RNH1: variants seen among roughly 807,000 people sequenced by gnomAD.
RNH1 encodes ribonuclease inhibitor.
Under a neutral mutation model 46.1 loss-of-function variants are expected in RNH1, and 38 were observed. That is an observed-to-expected ratio of 0.82 (90% CI 0.64 to 1.08). RNH1 has a LOEUF of 1.08. RNH1 is among the 50% of genes least tolerant of loss of function. The probability of loss-of-function intolerance (pLI) is 0.00; values close to 1 mark genes in which losing one functional copy is unlikely to be tolerated. For synonymous variants in RNH1, 319 were observed against 279.1 expected (o/e 1.14, Z -1.43); for missense variants, 577 against 590.7 (o/e 0.98, Z 0.24).
At chr11:495,348 C>CT (rs1272933979) in intron 9 of RNH1, among the ~76,000 whole-genome samples, 2 of 152,178 alleles carry the variant, frequency 1.3e-5, no homozygotes, top group African/African-American at 4.8e-5. Context: ...CACCCACCCC[C>CT]TTGTCACCTC....
In RNH1 at chr11:502,080, T is replaced by A. The variant is rs747294947; in HGVS notation, c.83A>T (p.Gln28Leu). Residue 28 changes from glutamine (Q) to leucine (L), a missense_variant, in exon 3 of 11, where the codon CAG becomes CTG. Gln to Leu is a moderately radical substitution (Grantham distance 113). Transcript: ENST00000354420. This position sits in a 1 kb window ranked among gnomAD's most constrained non-coding sequence, Gnocchi z 5.8. Reference protein sequence around the residue: ...ARWAELLPLLQQCQVVRLDDC... With the variant: ...ARWAELLPLLLQCQVVRLDDC... ...AGCGTACCTGACCACTTGGCACTGC[T>A]GGAGCAGAGGGAGGAGCTCGGCCCA... 6.2e-7 allele frequency: 1 copy of A among 1,611,824 alleles called. No homozygotes were observed. The highest frequency in any genetic ancestry group is 1.1e-5 in the South Asian group (1 of 90,714).
At chr11:506,737 G>A (rs1457885310) in intron 1 of RNH1, 1 of 152,322 alleles carries the variant, frequency 6.6e-6, no homozygotes, top group Non-Finnish European at 1.5e-5. Context: ...GCTCGGCTGG[G>A]CCAGGATTGC....
At chr11:497,793 G>A (rs117720571) in intron 9 of RNH1, among the ~76,000 whole-genome samples, 178 bp downstream of exon 9, 5,046 of 150,324 alleles carry the variant, frequency 0.034, 121 homozygotes, top group Middle Eastern at 0.076. Context: ...ACATGCTCAC[G>A]GACACCCATG....
In RNH1 at chr11:494,962, T is replaced by TG. The variant is rs779646323; in HGVS notation, c.1218dup (p.Asn407GlnfsTer35). Reference sequence around the variant, plus strand: ...ATGCCGGCGTCCCCCAGGCAGTTGTTGCTGAGGTCCAGCTCACGCAGGCTG... The same window carrying TG: ...ATGCCGGCGTCCCCCAGGCAGTTGTTGGCTGAGGTCCAGCTCACGCAGGCTG... On this transcript the variant is annotated frameshift_variant, in exon 10 of 11. Coordinates refer to ENST00000354420, the MANE Select transcript of RNH1 (RefSeq NM_203387.3). LOFTEE classifies it high-confidence loss of function. 6.2e-7 allele frequency: 1 copy of TG among 1,607,364 alleles called. No individual in the cohort carries two copies. The highest frequency in any genetic ancestry group is 8.5e-7 in the Non-Finnish European group (1 of 1,177,290).
intron 9 of RNH1, 75 bp downstream of exon 9, chr11:497,896 G>C (rs1010840468): frequency 4.0e-6 from 6 of 1,516,132 alleles, no homozygotes; most frequent in Non-Finnish European, 5.4e-6. Flanking sequence ...AGATACTCGT[G>C]CACTCTCGCC....
chr11:497,555 G>T (rs548710387), intron 9 of RNH1, among the ~76,000 whole-genome samples: 1 of 76,434 alleles, frequency 1.3e-5, no homozygotes, highest in Non-Finnish European at 2.5e-5. Flanking sequence ...TCACTCTCAC[G>T]TGCTCACACA....
chr11:501,288 C>T lies in RNH1; in HGVS notation c.102-634G>A. The T allele has an allele frequency of 5.5e-6, 1 of 180,234 alleles. No individual in the cohort carries two copies. Among genetic ancestry groups the T allele is most frequent in the Non-Finnish European group, 1.2e-5 (1 of 83,612 alleles). The allele number at this position is 180,234 out of a possible 1,614,324, so 11.2% of individuals were successfully genotyped here. On this transcript the variant is annotated intron_variant, in intron 3 of 10. Transcript: ENST00000354420. This position sits in a 1 kb window ranked among gnomAD's most constrained non-coding sequence, Gnocchi z 4.1. Reference sequence around the variant, plus strand: ...TCCTGCCAAAACTGTAGGACTTCAACCACAAGAAACCACCAGACAAGCCCC... The same window carrying T: ...TCCTGCCAAAACTGTAGGACTTCAATCACAAGAAACCACCAGACAAGCCCC...
At chr11:504,678 A>C (rs1281934949) in intron 2 of RNH1, 146 bp downstream of exon 2, 1 of 152,424 alleles carries the variant, frequency 6.6e-6, no homozygotes. Flanking sequence ...TCTGGCCCCA[A>C]CCAGCCTTTC....
chr11:500,296 A>G (rs1849625885), intron 4 of RNH1, 188 bp downstream of exon 4: 1 of 748,324 alleles, frequency 1.3e-6, no homozygotes, highest in East Asian at 2.7e-5. Flanking sequence ...GGGATAAGGC[A>G]GGAAGGGCCC....
At position 500,619 on chromosome 11, in the gene RNH1, T is replaced by C; in HGVS notation, c.137A>G (p.Lys46Arg). The stretch of plus-strand genomic sequence containing the variant: ...GACTCGAAGTGCAGAGCTGATGTCC[T>C]TGCACCGTGCTTCCGTGAGGCCACA... ...DDCGLTEARCKDISSALRVNP... is the reference protein window; with the variant it reads ...DDCGLTEARCRDISSALRVNP... The change falls in exon 4 of 11, where the codon AAG becomes AGG. Residue 46 changes from lysine to arginine, a missense_variant. By Grantham distance (26) the Lys-to-Arg change is conservative (BLOSUM62 2). Transcript: ENST00000354420. The C allele has an allele frequency of 6.2e-7, 1 of 1,608,720 alleles. No homozygotes were observed.
At chr11:506,755 G>C (rs1240343137) in intron 1 of RNH1, 1 of 152,304 alleles carries the variant, frequency 6.6e-6, no homozygotes, top group Non-Finnish European at 1.5e-5. Context: ...TGCTTGCGTA[G>C]CTCGCTGGAA....
Position 502,118 on chromosome 11 carries a change from C to T in RNH1, c.45G>A (p.Leu15=), listed in dbSNP as rs761575127. The T allele has an allele frequency of 6.2e-6, 10 of 1,611,928 alleles. No homozygotes were observed. In the African/African-American group the frequency reaches 9.3e-5, roughly 15 times the overall value. ...GGAGCTCGGCCCATCTAGCGTCGCT[C>T]AGCTCCTCACACTGGATGTCCAGGC... ...IQSLDIQCEE[L]SDARWAELLP... is the part of the protein sequence containing the mutation. The change falls in exon 3 of 11, where the codon CTG becomes CTA. Residue 15 remains leucine (L), a synonymous_variant. Transcript: ENST00000354420. The surrounding 1 kb of genome is among the most constrained non-coding windows in gnomAD (Gnocchi z 5.8).
In RNH1 at chr11:500,571, T is replaced by C; in HGVS notation, c.185A>G (p.Asn62Ser). 2 of 1,610,908 alleles carry C rather than the reference T, an allele frequency of 1.2e-6. No homozygotes were observed. The highest frequency in any genetic ancestry group is 8.5e-7 in the Non-Finnish European group (1 of 1,179,988). ...LRVNPALAEL[N>S]LRSNELGDVG... Reference sequence around the variant, plus strand: ...ATCGCCCAGCTCGTTGCTGCGCAGGTTGAGCTCTGCCAGTGCAGGGTTGAC... The same window carrying C: ...ATCGCCCAGCTCGTTGCTGCGCAGGCTGAGCTCTGCCAGTGCAGGGTTGAC... The change falls in exon 4 of 11, where the codon AAC becomes AGC. Residue 62 changes from asparagine (N) to serine (S), a missense_variant. Transcript: ENST00000354420.
chr11:505,504 A>G (rs1344242563), intron 1 of RNH1: 2 of 151,806 alleles, frequency 1.3e-5, no homozygotes, highest in Non-Finnish European at 2.9e-5. Flanking sequence ...TCCTTGGGAA[A>G]CTCCAGAAGG....
In RNH1 at chr11:494,985, C is replaced by G. The variant is rs1848919531; in HGVS notation, c.1196G>C (p.Ser399Thr). Residue 399 changes from serine to threonine, a missense_variant, in exon 10 of 11, where the codon AGC becomes ACC. Transcript: ENST00000354420. ...SLAATLLANH[S>T]LRELDLSNNC... Reference sequence around the variant, plus strand: ...GTTGCTGAGGTCCAGCTCACGCAGGCTGTGGTTGGCCAACAGGGTTGCGGC... The same window carrying G: ...GTTGCTGAGGTCCAGCTCACGCAGGGTGTGGTTGGCCAACAGGGTTGCGGC... 6.2e-7 allele frequency: 1 copy of G among 1,605,486 alleles called. No individual in the cohort carries two copies. Among genetic ancestry groups the G allele is most frequent in the Non-Finnish European group, 8.5e-7 (1 of 1,176,466 alleles).
chr11:501,052 C>T lies in RNH1; in HGVS notation c.102-398G>A. 2.8e-6 allele frequency: 1 copy of T among 357,684 alleles called. No individual in the cohort carries two copies. Among genetic ancestry groups the T allele is most frequent in the Non-Finnish European group, 5.5e-6 (1 of 182,330 alleles). The allele number at this position is 357,684 out of a possible 1,614,324, so 22.2% of individuals were successfully genotyped here. ...CTGAGGCAGGAGGATCACTTGAGCC[C>T]AGGAGGTTGAGGCCGCATAAGCCAT... On this transcript the variant is annotated intron_variant, in intron 3 of 10. Coordinates refer to ENST00000354420, the MANE Select transcript of RNH1 (RefSeq NM_203387.3). This position sits in a 1 kb window ranked among gnomAD's most constrained non-coding sequence, Gnocchi z 4.1.
chr11:505,907 T>TTTCG (rs1209885519), intron 1 of RNH1: 1 of 141,658 alleles, frequency 7.1e-6, no homozygotes, highest in African/African-American at 2.7e-5. Context: ...TGAGAAGGAG[T>TTTCG]TTCGCTCTTG....
Position 494,663 on chromosome 11 carries a change from T to C in RNH1, c.*28A>G. 1.9e-6 allele frequency: 3 copies of C among 1,609,458 alleles called. No homozygotes were observed. Among genetic ancestry groups the C allele is most frequent in the Non-Finnish European group, 2.5e-6 (3 of 1,176,698 alleles). On this transcript the variant is annotated 3_prime_UTR_variant, in exon 11 of 11. Transcript: ENST00000354420. ...CCCAGGGTTGCCTCGAGGCCGGTCG[T>C]CCAGGGAGAGCAGCAGCAGGAAGAG... is the stretch of plus-strand genomic sequence containing the variant.
At chr11:495,197 C>T in intron 9 of RNH1, 144 bp from the exon 10 acceptor site, 1 of 825,190 alleles carries the variant, frequency 1.2e-6, no homozygotes, top group Non-Finnish European at 1.9e-6. Context: ...CCAAGGCTCA[C>T]CGTCCCTGTG....
Sources: allele counts gnomAD v4.1 joint callset (sites outside exome capture counted in the v4.1 genomes callset), GRCh38; gene constraint gnomAD v4.1.1; non-coding constraint Gnocchi (gnomAD v3.1); transcripts MANE v1.5; gene names NCBI Gene and HGNC (gene_info 2026-07-23, HGNC 2026-07-21).